ZNF782: variants seen among roughly 807,000 people sequenced by gnomAD.
ZNF782 encodes the protein zinc finger protein 782.
In ZNF782, 12 loss-of-function variants were observed where a neutral mutation model predicts 13.0. That is an observed-to-expected ratio of 0.92 (90% CI 0.59 to 1.50). ZNF782 has a LOEUF of 1.50. ZNF782 is among the 40% of genes most tolerant of loss of function. The pLI is 0.00. For missense variants in ZNF782, 770 were observed against 822.9 expected (o/e 0.94, Z 0.79); for synonymous variants, 284 against 283.0 (o/e 1.00, Z -0.04).
chr9:96,888,441 A>G, the ZNF782 span: 9 of 152,222 alleles, frequency 5.9e-5, no homozygotes, highest in African/African-American at 2.2e-4. Context: ...CAAATCCACA[A>G]TTGTAAGTTG....
At chr9:96,915,314 T>C in the ZNF782 span, among the ~76,000 whole-genome samples, 2 of 152,068 alleles carry the variant, frequency 1.3e-5, no homozygotes, top group East Asian at 3.9e-4. Context: ...TTAAGGTAAA[T>C]AGCATTATTT....
At chr9:96,881,559 A>C in the ZNF782 span, among the ~76,000 whole-genome samples, 1 of 152,104 alleles carries the variant, frequency 6.6e-6, no homozygotes, top group African/African-American at 2.4e-5. Flanking sequence ...ATTAAAGACT[A>C]TAATCCATTT....
At chr9:96,925,209 G>A in the ZNF782 span, among the ~76,000 whole-genome samples, 13 of 152,214 alleles carry the variant, frequency 8.5e-5, no homozygotes, top group East Asian at 5.8e-4. Context: ...CTACACAGGC[G>A]CGCGGGGCAG....
the ZNF782 span, chr9:96,910,430 TA>T: frequency 0.045 from 13,588 of 303,296 alleles, no homozygotes; most frequent in South Asian, 0.061. Context: ...AAAGTTAAAC[TA>T]AAAAAAAAAG....
chr9:96,836,977 T>C (rs1035257002), intron 4 of ZNF782, among the ~76,000 whole-genome samples: 2 of 152,126 alleles, frequency 1.3e-5, no homozygotes, highest in East Asian at 1.9e-4. Flanking sequence ...AGCTGCCCAA[T>C]CCTGGATTTT....
At chr9:96,886,766 T>C in the ZNF782 span, among the ~76,000 whole-genome samples, 4 of 151,244 alleles carry the variant, frequency 2.6e-5, no homozygotes, top group African/African-American at 9.7e-5. Context: ...CTACTAAAAA[T>C]ACAAAAATTA....
At chr9:96,831,900 T>C (rs1850815262) in intron 4 of ZNF782, among the ~76,000 whole-genome samples, 1 of 152,146 alleles carries the variant, frequency 6.6e-6, no homozygotes, top group African/African-American at 2.4e-5. Context: ...TATTATTTTT[T>C]AAGTGAATTT....
the ZNF782 span, among the ~76,000 whole-genome samples, chr9:96,926,765 T>TA: frequency 1.2e-4 from 18 of 152,284 alleles, no homozygotes; most frequent in African/African-American, 4.3e-4. Flanking sequence ...TGTGGCCTGT[T>TA]ACGTTTTCTG....
intron 3 of ZNF782, among the ~76,000 whole-genome samples, chr9:96,859,919 C>G (rs1400167983): frequency 6.6e-5 from 10 of 152,162 alleles, no homozygotes; most frequent in Admixed American, 2.6e-4. Flanking sequence ...CCAGGCCAGA[C>G]AGCATTCACC....
the ZNF782 span, among the ~76,000 whole-genome samples, chr9:96,925,266 A>T: frequency 6.6e-6 from 1 of 151,572 alleles, no homozygotes; most frequent in South Asian, 2.1e-4. Flanking sequence ...GGGGAAATGG[A>T]GGGACGCCTC....
the ZNF782 span, chr9:96,887,430 C>T: frequency 6.6e-6 from 1 of 152,198 alleles, no homozygotes; most frequent in Non-Finnish European, 1.5e-5. Context: ...CAAGGCAATT[C>T]TTCAAGTGGT....
At chr9:96,910,905 G>A in the ZNF782 span, among the ~76,000 whole-genome samples, 1 of 150,210 alleles carries the variant, frequency 6.7e-6, no homozygotes, top group South Asian at 2.1e-4. Flanking sequence ...CAAAGTGCTG[G>A]GATTACAGGC....
chr9:96,841,248 T>C (rs181864164), intron 4 of ZNF782, among the ~76,000 whole-genome samples: 8 of 152,084 alleles, frequency 5.3e-5, no homozygotes, highest in Non-Finnish European at 1.0e-4. Context: ...ATAAATTGAT[T>C]TGTAAAACTT....
chr9:96,831,662 G>A (rs914008591), intron 4 of ZNF782, among the ~76,000 whole-genome samples: 25 of 150,794 alleles, frequency 1.7e-4, no homozygotes, highest in African/African-American at 5.4e-4. Context: ...GCAGTGAGCT[G>A]AGATAGTGCC....
chr9:96,819,831 G>A (rs1850348703), intron 5 of ZNF782, 53 bp from the exon 6 acceptor site: 1 of 1,411,754 alleles, frequency 7.1e-7, no homozygotes, highest in South Asian at 1.5e-5. Context: ...ATTTCTTATG[G>A]AATGGGACAT....
the ZNF782 span, among the ~76,000 whole-genome samples, chr9:96,912,616 C>A: frequency 6.6e-6 from 1 of 151,820 alleles, no homozygotes; most frequent in Non-Finnish European, 1.5e-5. Context: ...GCAACCTCCA[C>A]TTCCCGGGTT....
chr9:96,912,622 G>A, the ZNF782 span, among the ~76,000 whole-genome samples: 77 of 151,802 alleles, frequency 5.1e-4, 2 homozygotes, highest in East Asian at 8.0e-3. Flanking sequence ...TCCACTTCCC[G>A]GGTTCAAGCG....
intron 4 of ZNF782, among the ~76,000 whole-genome samples, chr9:96,843,018 C>T (rs193223853): frequency 7.2e-5 from 11 of 152,118 alleles, no homozygotes; most frequent in Admixed American, 5.9e-4. Flanking sequence ...ACCTGTTCAA[C>T]GACTAATACA....
At chr9:96,889,012 A>G in the ZNF782 span, 10 of 152,242 alleles carry the variant, frequency 6.6e-5, no homozygotes, top group African/African-American at 2.4e-4. Context: ...ACTGGTCTGG[A>G]AAGTCATCCA....
Sources: allele counts gnomAD v4.1 joint callset (sites outside exome capture counted in the v4.1 genomes callset), GRCh38; gene constraint gnomAD v4.1.1; transcripts MANE v1.5; gene names NCBI Gene and HGNC (gene_info 2026-07-23, HGNC 2026-07-21).